Variants in KAZN observed in about 807,000 individuals in gnomAD.
KAZN encodes the protein kazrin.
KAZN carries 40 observed loss-of-function variants against 87.4 expected under a neutral mutation model. The ratio of observed to expected loss-of-function variants is 0.46; its 90% CI spans 0.36 to 0.60. KAZN has a LOEUF of 0.60. Among genes scored for constraint, KAZN ranks in the 20% least tolerant of loss-of-function variants. The probability of loss-of-function intolerance (pLI) is 0.00; values close to 1 mark genes in which losing one functional copy is unlikely to be tolerated. For missense variants in KAZN, 898 were observed against 1,073.9 expected (o/e 0.84, Z 2.29); for synonymous variants, 466 against 458.3 (o/e 1.02, Z -0.22).
Position 14,586,549 on chromosome 1 carries a change from G to A in KAZN, c.250-12434G>A, listed in dbSNP as rs2000024. ...GGTTTTTTTTTTTTTTTTTTTTAGA[G>A]ATAGAGTCTTATTCTGTTGCTCAGG... On this transcript the variant is annotated intron_variant, in intron 2 of 16. Coordinates refer to the KAZN transcript ENST00000636203. Among the ~76,000 whole-genome samples, 518 of 133,690 alleles carry A rather than the reference G, an allele frequency of 3.9e-3. 8 individuals are homozygous for A. Among genetic ancestry groups the A allele is most frequent in the African/African-American group, 0.014 (497 of 34,732 alleles). The allele number at this position is 133,690 out of a possible 152,430, so 87.7% of individuals were successfully genotyped here.
rs1485184875 is a variant in KAZN, at chr1:14,976,980, G to A, written c.418+16105G>A. Among the ~76,000 whole-genome samples, 9 of 152,306 alleles carry A rather than the reference G, an allele frequency of 5.9e-5. No homozygotes were observed. The East Asian group carries it at 7.7e-4, about 13-fold the overall frequency. The stretch of plus-strand genomic sequence containing the variant: ...TGAGGCAGGAGGATCACGTGAACCC[G>A]GGAGGCAGAGGTTGCAGTGAGCCAA... On this transcript the variant is annotated intron_variant, in intron 2 of 14. Coordinates refer to ENST00000376030, the MANE Select transcript of KAZN (RefSeq NM_201628.3).
At chr1:15,025,572 G>A (rs1040845252) in intron 2 of KAZN, among the ~76,000 whole-genome samples, 6 of 152,164 alleles carry the variant, frequency 3.9e-5, no homozygotes, top group Non-Finnish European at 4.4e-5. Context: ...TTGATTAGTC[G>A]TGTCTTCCCT....
intron 2 of KAZN, among the ~76,000 whole-genome samples, chr1:14,244,808 G>T (rs1402974099): frequency 6.6e-6 from 1 of 152,064 alleles, no homozygotes; most frequent in East Asian, 1.9e-4. Flanking sequence ...GTGGGTAGGG[G>T]GTGTTGACAG....
intron 2 of KAZN, among the ~76,000 whole-genome samples, chr1:14,310,636 A>G (rs1335444875): frequency 6.6e-6 from 1 of 152,224 alleles, no homozygotes; most frequent in Non-Finnish European, 1.5e-5. Context: ...ACTTCTGCAA[A>G]TAAAAGATCT....
chr1:15,095,235 C>T (rs910356889), intron 10 of KAZN, among the ~76,000 whole-genome samples: 7 of 152,296 alleles, frequency 4.6e-5, no homozygotes, highest in Admixed American at 2.6e-4. Flanking sequence ...CTCTGCCTTC[C>T]GGGACCAGCC....
chr1:13,983,549 C>G (rs1428966594), intron 1 of KAZN, among the ~76,000 whole-genome samples: 1 of 152,184 alleles, frequency 6.6e-6, no homozygotes, highest in African/African-American at 2.4e-5. Context: ...CCTCTCCCTC[C>G]ACACCTCCCT....
chr1:14,031,251 A>G (rs935086039), intron 1 of KAZN, among the ~76,000 whole-genome samples: 5 of 152,234 alleles, frequency 3.3e-5, no homozygotes, highest in African/African-American at 9.6e-5. Flanking sequence ...TCAGACTTCA[A>G]TAGGGACCCA....
At chr1:14,124,123 T>C (rs1249435225) in intron 1 of KAZN, 1 of 152,264 alleles carries the variant, frequency 6.6e-6, no homozygotes, top group Non-Finnish European at 1.5e-5. Context: ...GTGAATATTT[T>C]TGTGGTGCAA....
chr1:14,936,881 A>G (rs1400197465), intron 1 of KAZN, among the ~76,000 whole-genome samples: 2 of 152,192 alleles, frequency 1.3e-5, no homozygotes, highest in Admixed American at 6.5e-5. Flanking sequence ...GTGAGGCTCC[A>G]TAAACGTGAC....
At chr1:14,883,612 A>C (rs1653727453) in intron 1 of KAZN, among the ~76,000 whole-genome samples, 1 of 151,804 alleles carries the variant, frequency 6.6e-6, no homozygotes, top group Admixed American at 6.6e-5. Flanking sequence ...AATCAAGCAG[A>C]ACTTATTAGA....
intron 1 of KAZN, among the ~76,000 whole-genome samples, chr1:14,114,664 A>G (rs1436109176): frequency 6.6e-6 from 1 of 152,188 alleles, no homozygotes; most frequent in Admixed American, 6.5e-5. Context: ...CTTTTCACAT[A>G]TCAGGTTGGA....
At chr1:14,849,211 G>A (rs1438788269) in intron 1 of KAZN, among the ~76,000 whole-genome samples, 1 of 152,194 alleles carries the variant, frequency 6.6e-6, no homozygotes, top group Non-Finnish European at 1.5e-5. Flanking sequence ...CACACTGGGT[G>A]TCATGAAGTG....
intron 1 of KAZN, among the ~76,000 whole-genome samples, chr1:13,923,295 TGG>T (rs1640132590): frequency 6.6e-6 from 1 of 152,086 alleles, no homozygotes; most frequent in Non-Finnish European, 1.5e-5. Flanking sequence ...TTACCATGGC[TGG>T]GGGTGGTGGC....
At chr1:14,048,702 G>A (rs1026083166) in intron 1 of KAZN, among the ~76,000 whole-genome samples, 5 of 152,156 alleles carry the variant, frequency 3.3e-5, no homozygotes, top group African/African-American at 1.2e-4. Flanking sequence ...ACTGCGCCTG[G>A]CCTAAAATAC....
At chr1:14,386,407 C>A (rs1465874129) in intron 2 of KAZN, among the ~76,000 whole-genome samples, 7 of 151,774 alleles carry the variant, frequency 4.6e-5, no homozygotes, top group African/African-American at 1.5e-4. Flanking sequence ...TCTTCCTAGT[C>A]TCAATGGTCT....
rs181456104 is a variant in KAZN at position 14,443,758 on chromosome 1, T to C, written c.250-155225T>C. On this transcript the variant is annotated intron_variant, in intron 2 of 16. Coordinates refer to the KAZN transcript ENST00000636203. Reference sequence around the variant, plus strand: ...TTGTTTATTCATGTGACCTAAGTATTTTGCTGCTTTCCTTAGACTTCTGAT... The same window carrying C: ...TTGTTTATTCATGTGACCTAAGTATCTTGCTGCTTTCCTTAGACTTCTGAT... Among the ~76,000 whole-genome samples, 715 of 152,296 alleles carry C rather than the reference T, an allele frequency of 4.7e-3. 6 individuals are homozygous for C. Among genetic ancestry groups the C allele is most frequent in the Non-Finnish European group, 8.6e-3 (587 of 68,016 alleles).
chr1:14,961,957 G>A (rs1014656210), intron 2 of KAZN, among the ~76,000 whole-genome samples: 2 of 152,218 alleles, frequency 1.3e-5, no homozygotes, highest in African/African-American at 4.8e-5. Flanking sequence ...CCAGAATGGA[G>A]GGCCAGAGAT....
intron 1 of KAZN, among the ~76,000 whole-genome samples, chr1:14,749,714 C>A (rs555277415): frequency 1.3e-5 from 2 of 152,120 alleles, no homozygotes; most frequent in Non-Finnish European, 2.9e-5. Context: ...ACCAGGCCTC[C>A]CATTCAGATT....
intron 2 of KAZN, among the ~76,000 whole-genome samples, chr1:14,497,693 G>T (rs950999810): frequency 3.9e-5 from 6 of 152,186 alleles, no homozygotes; most frequent in African/African-American, 1.4e-4. Context: ...GAACCAGATT[G>T]TCAACAGAAT....
Sources: allele counts gnomAD v4.1 joint callset (sites outside exome capture counted in the v4.1 genomes callset), GRCh38; gene constraint gnomAD v4.1.1; transcripts MANE v1.5; gene names NCBI Gene and HGNC (gene_info 2026-07-23, HGNC 2026-07-21).